The following GTPBP6 variants were observed in gnomAD, a reference collection of about 807,000 sequenced individuals.
GTPBP6 encodes the protein GTP binding protein 6.
Under a neutral mutation model 28.9 loss-of-function variants are expected in GTPBP6, and 33 were observed. The ratio of observed to expected loss-of-function variants is 1.14; its 90% CI spans 0.87 to 1.53. GTPBP6 has a LOEUF of 1.53. Ranked by LOEUF, GTPBP6 falls within the 40% of genes most tolerant of loss-of-function variation. GTPBP6 has a pLI of 0.00. For missense variants in GTPBP6, 507 were observed against 408.3 expected (o/e 1.24, Z -2.08); for synonymous variants, 231 against 192.7 (o/e 1.20, Z -1.65).
chrX:306,450 G>A (rs2070166722), intron 9 of GTPBP6, among the ~76,000 whole-genome samples: 1 of 144,424 alleles, frequency 6.9e-6, no homozygotes, highest in African/African-American at 2.8e-5. Flanking sequence ...GGCACCTGTT[G>A]TATCCACAGT....
chrX:314,612 T>A (rs370878262), intron 4 of GTPBP6, among the ~76,000 whole-genome samples: 95,571 of 151,198 alleles, frequency 0.63, 30,635 homozygotes, highest in African/African-American at 0.71. Context: ...AGCTGGGATT[T>A]CAGGCGCCCG....
intron 6 of GTPBP6, 151 bp downstream of exon 6, chrX:312,615 C>A: frequency 2.5e-6 from 2 of 807,954 alleles, no homozygotes; most frequent in Non-Finnish European, 4.2e-6. Flanking sequence ...CCCCACACGG[C>A]GACCATGGGA....
chrX:307,526 G>A lies in GTPBP6; in HGVS notation c.1275-14C>T. The stretch of plus-strand genomic sequence containing the variant: ...GTGGGGCTGTACCTGCAAGGGTGGG[G>A]ATGTCACAGGCCCCGCTCAGCGTCG... On this transcript the variant is annotated splice_polypyrimidine_tract_variant and intron_variant, in intron 8 of 9. Transcript: ENST00000326153. 1.2e-6 allele frequency: 2 copies of A among 1,609,968 alleles called. No homozygotes were observed. Among genetic ancestry groups the A allele is most frequent in the Non-Finnish European group, 1.7e-6 (2 of 1,179,086 alleles).
exon 9 of GTPBP6, chrX:307,368 C>G (rs764746405): frequency 6.2e-7 from 1 of 1,612,044 alleles, no homozygotes; most frequent in Non-Finnish European, 8.5e-7. Flanking sequence ...ACCTGAGCTG[C>G]GCCCCTGCGA....
intron 3 of GTPBP6, 68 bp downstream of exon 3, chrX:315,161 G>T (rs9646385): frequency 7.6e-6 from 3 of 393,446 alleles, no homozygotes; most frequent in Admixed American, 4.5e-5. Context: ...CTGGCCGGAC[G>T]CCGTGGCGTC....
At chrX:308,917 A>C (rs1217123109) in intron 7 of GTPBP6, among the ~76,000 whole-genome samples, 1 of 151,754 alleles carries the variant, frequency 6.6e-6, no homozygotes, top group Admixed American at 6.6e-5. Context: ...TTATATTTTT[A>C]GTAGAGACGG....
In GTPBP6 at chrX:313,651, T is replaced by C. The variant is rs769196460; in HGVS notation, c.757+499A>G. Among the ~76,000 whole-genome samples, 31 of 152,130 alleles carry C rather than the reference T, an allele frequency of 2.0e-4. No homozygotes were observed. The South Asian group carries it at 2.5e-3, about 12-fold the overall frequency. On this transcript the variant is annotated intron_variant, in intron 5 of 9. Transcript: ENST00000326153. ...AGGGCGGGCCATAAATGCAATGACA[T>C]GTGTCCTTGTAAGAGACAGAAGAGG...
chrX:306,021 C>G (rs2070155074), intron 9 of GTPBP6, among the ~76,000 whole-genome samples: 1 of 152,218 alleles, frequency 6.6e-6, no homozygotes, highest in Admixed American at 6.5e-5. Flanking sequence ...GCCTCGGCCT[C>G]CCAAAGTCTT....
chrX:307,595 CG>C lies in GTPBP6; in HGVS notation c.1275-84del, dbSNP rs374854855. Reference sequence around the variant, plus strand: ...AGGGTCCCCAGGAGTCCACTGCCCACGGGGCACAGTCTGGGGCCACTCCCTG... The same window carrying C: ...AGGGTCCCCAGGAGTCCACTGCCCACGGGCACAGTCTGGGGCCACTCCCTG... On this transcript the variant is annotated intron_variant, in intron 8 of 9. Transcript: ENST00000326153. 6.6e-4 allele frequency: 984 copies of C among 1,494,916 alleles called. 2 individuals carry two copies. The highest frequency in any genetic ancestry group is 5.9e-3 in the African/African-American group (426 of 72,568). The allele number at this position is 1,494,916 out of a possible 1,614,324, so 92.6% of individuals were successfully genotyped here.
intron 1 of GTPBP6, 76 bp from the exon 2 acceptor site, chrX:317,127 C>T (rs1274074752): frequency 7.5e-6 from 3 of 398,224 alleles, no homozygotes; most frequent in Non-Finnish European, 1.3e-5. Flanking sequence ...GGGAGGCCTC[C>T]TCCTGCCCTT....
At chrX:312,352 G>A (rs1473696360) in intron 6 of GTPBP6, 6 of 473,648 alleles carry the variant, frequency 1.3e-5, no homozygotes, top group Admixed American at 7.0e-5. Context: ...TAGACAGGAG[G>A]ATGGTATAGA....
chrX:317,524 G>A (rs2070459173), intron 1 of GTPBP6, among the ~76,000 whole-genome samples: 1 of 129,138 alleles, frequency 7.7e-6, no homozygotes, highest in Non-Finnish European at 1.6e-5. Context: ...ACTCTGACAC[G>A]TGCAGCGACT....
intron 1 of GTPBP6, 30 bp downstream of exon 1, chrX:318,409 T>TTTC (rs1250740646): frequency 4.0e-4 from 136 of 343,832 alleles, no homozygotes; most frequent in Non-Finnish European, 6.5e-4. Flanking sequence ...CCAGCTCCTG[T>TTTC]TTCTCCCCCG....
At chrX:307,317 A>C (rs1340147857) in intron 9 of GTPBP6, 43 bp downstream of exon 9, 15 of 1,594,010 alleles carry the variant, frequency 9.4e-6, no homozygotes, top group Non-Finnish European at 1.3e-5. Context: ...AGAGACAGGC[A>C]TCCAAAGCAC....
chrX:315,638 G>GAC (rs2070419488), intron 2 of GTPBP6, among the ~76,000 whole-genome samples: 1 of 47,992 alleles, frequency 2.1e-5, no homozygotes, highest in African/African-American at 7.4e-5. Flanking sequence ...GACACACAGA[G>GAC]ACACACACAA....
At chrX:318,339 G>T in intron 1 of GTPBP6, 100 bp downstream of exon 1, 2 of 390,430 alleles carry the variant, frequency 5.1e-6, no homozygotes, top group Non-Finnish European at 9.0e-6. Context: ...TCCCTTCAGA[G>T]CCCCGCCCCT....
chrX:313,931 C>CCTAT (rs2070368504), intron 5 of GTPBP6, among the ~76,000 whole-genome samples: 2 of 152,032 alleles, frequency 1.3e-5, no homozygotes, highest in African/African-American at 4.8e-5. Flanking sequence ...ACCAGCATCT[C>CCTAT]CTATCTCCTC....
chrX:318,361 T>C (rs2070479025), intron 1 of GTPBP6, 78 bp downstream of exon 1: 1 of 348,116 alleles, frequency 2.9e-6, no homozygotes, highest in East Asian at 3.9e-5. Context: ...AATCTCCACC[T>C]ATGAGCCCCC....
intron 6 of GTPBP6, 160 bp from the exon 7 acceptor site, chrX:311,787 C>T (rs770047020): frequency 2.2e-4 from 141 of 645,184 alleles, no homozygotes; most frequent in Admixed American, 8.9e-4. Flanking sequence ...CCAGACCCGA[C>T]GCGTGGGACA....
Sources: allele counts gnomAD v4.1 joint callset (sites outside exome capture counted in the v4.1 genomes callset), GRCh38; gene constraint gnomAD v4.1.1; transcripts MANE v1.5; gene names NCBI Gene and HGNC (gene_info 2026-07-23, HGNC 2026-07-21).